LRRC37A2: variants seen among roughly 807,000 people sequenced by gnomAD.
LRRC37A2 encodes the protein leucine rich repeat containing 37 member A2.
In LRRC37A2, 9 loss-of-function variants were observed where a neutral mutation model predicts 68.8. The observed-to-expected ratio is 0.13, with a 90% CI of 0.08 to 0.23. LRRC37A2 has a LOEUF of 0.23. Ranked by LOEUF, LRRC37A2 falls within the 10% of genes least tolerant of loss-of-function variation. The probability of loss-of-function intolerance (pLI) is 1.00; values close to 1 mark genes in which losing one functional copy is unlikely to be tolerated. For synonymous variants in LRRC37A2, 63 were observed against 367.6 expected, an observed-to-expected ratio of 0.17 and a Z score of 9.48; for missense variants, 168 against 950.4, an observed-to-expected ratio of 0.18 and a Z score of 10.82.
chr17:46,796,155 T>G, the LRRC37A2 span, among the ~76,000 whole-genome samples: 1 of 152,180 alleles, frequency 6.6e-6, no homozygotes, highest in Middle Eastern at 3.4e-3. Flanking sequence ...ATTACCACGT[T>G]TCCTTGGGAG....
chr17:46,722,238 T>C, the LRRC37A2 span: 2 of 1,227,934 alleles, frequency 1.6e-6, no homozygotes, highest in South Asian at 2.4e-5. Context: ...CACGTCAAAA[T>C]CCCTACATTC....
chr17:46,707,566 C>G, the LRRC37A2 span, among the ~76,000 whole-genome samples: 1 of 152,116 alleles, frequency 6.6e-6, no homozygotes. Context: ...CACCTGGCAG[C>G]CACCATTCTA....
the LRRC37A2 span, among the ~76,000 whole-genome samples, chr17:46,811,981 A>G: frequency 6.6e-6 from 1 of 151,992 alleles, no homozygotes; most frequent in Non-Finnish European, 1.5e-5. Context: ...GAAAGAAAGA[A>G]ACTCAACTCT....
At chr17:47,017,349 C>T in the LRRC37A2 span, 6 of 1,586,024 alleles carry the variant, frequency 3.8e-6, no homozygotes, top group Non-Finnish European at 5.2e-6. Flanking sequence ...GACCTCTAAC[C>T]CCCTGGGGCC....
intron 8 of LRRC37A2, among the ~76,000 whole-genome samples, chr17:46,545,721 A>AT (rs1329849425): frequency 1.6e-5 from 2 of 126,870 alleles, no homozygotes; most frequent in Non-Finnish European, 3.2e-5. Context: ...ATTCTTCTTT[A>AT]TATTAAATAT....
At chr17:46,881,215 A>C in the LRRC37A2 span, among the ~76,000 whole-genome samples, 2 of 152,248 alleles carry the variant, frequency 1.3e-5, no homozygotes, top group Admixed American at 1.3e-4. Context: ...ACATTGCCTT[A>C]ACTGGGCTCC....
At chr17:46,818,681 G>A in the LRRC37A2 span, 2 of 1,315,432 alleles carry the variant, frequency 1.5e-6, no homozygotes, top group East Asian at 5.0e-5. Context: ...AAGTCCACTT[G>A]AGATTGGAAA....
At chr17:46,856,297 G>A in the LRRC37A2 span, among the ~76,000 whole-genome samples, 17 of 152,258 alleles carry the variant, frequency 1.1e-4, no homozygotes, top group Admixed American at 5.9e-4. Flanking sequence ...GAATGAAAGG[G>A]CTGGATAGGG....
the LRRC37A2 span, among the ~76,000 whole-genome samples, chr17:46,848,520 T>G: frequency 1.3e-5 from 2 of 152,262 alleles, no homozygotes; most frequent in Non-Finnish European, 2.9e-5. Context: ...TCCCAAGGGC[T>G]GCTCTTCATG....
the LRRC37A2 span, among the ~76,000 whole-genome samples, chr17:46,494,102 C>A: frequency 6.6e-6 from 1 of 150,504 alleles, no homozygotes; most frequent in Non-Finnish European, 1.5e-5. Flanking sequence ...ACCTTGGCCT[C>A]CCAAAGTGCT....
the LRRC37A2 span, chr17:46,979,037 C>A: frequency 7.2e-7 from 1 of 1,383,438 alleles, no homozygotes; most frequent in South Asian, 1.7e-5. Context: ...TCTCGGCGCG[C>A]AGTCCCGGGT....
At chr17:47,048,009 C>T in the LRRC37A2 span, among the ~76,000 whole-genome samples, 3 of 147,890 alleles carry the variant, frequency 2.0e-5, no homozygotes, top group Non-Finnish European at 1.5e-5. Flanking sequence ...ATTAATAATG[C>T]TTGGTTACAT....
At chr17:46,738,502 AGG>A in the LRRC37A2 span, among the ~76,000 whole-genome samples, 1 of 152,368 alleles carries the variant, frequency 6.6e-6, no homozygotes, top group South Asian at 2.1e-4. Context: ...TTAATGAATA[AGG>A]ACCATCATAA....
chr17:47,003,075 C>A, the LRRC37A2 span, among the ~76,000 whole-genome samples: 7 of 151,638 alleles, frequency 4.6e-5, no homozygotes, highest in East Asian at 3.9e-4. Flanking sequence ...CCCGACCCCC[C>A]CAACTTCTAC....
chr17:46,819,509 G>A, the LRRC37A2 span, among the ~76,000 whole-genome samples: 1 of 152,194 alleles, frequency 6.6e-6, no homozygotes, highest in African/African-American at 2.4e-5. The surrounding 1 kb of genome is among the most constrained non-coding windows in gnomAD (Gnocchi z 5.3). Context: ...CCGGGTCGGA[G>A]GCGTGACCCA....
chr17:46,855,104 G>A, the LRRC37A2 span, among the ~76,000 whole-genome samples: 2 of 152,174 alleles, frequency 1.3e-5, no homozygotes, highest in African/African-American at 2.4e-5. Context: ...ACAGTGAATC[G>A]GTGGGGGAGG....
the LRRC37A2 span, chr17:46,934,898 T>TTAGGGTCCGCTGATTCTTTC: frequency 1.2e-6 from 1 of 805,854 alleles, no homozygotes; most frequent in Non-Finnish European, 2.2e-6. Context: ...TTCTTATCCA[T>TTAGGGTCCGCTGATTCTTTC]TAGGGTCCGC....
the LRRC37A2 span, chr17:46,818,592 C>A: frequency 6.3e-7 from 1 of 1,599,552 alleles, no homozygotes; most frequent in Non-Finnish European, 8.5e-7. Flanking sequence ...GCAGGTGGGG[C>A]TCCATTAGAA....
At chr17:47,043,467 C>T in the LRRC37A2 span, among the ~76,000 whole-genome samples, 29 of 149,186 alleles carry the variant, frequency 1.9e-4, no homozygotes, top group African/African-American at 6.6e-4. Context: ...CCACTGCACT[C>T]CAGCCCGGGC....
Sources: gnomAD v4.1 joint callset for allele counts (sites outside exome capture counted in the v4.1 genomes callset) on GRCh38, gnomAD v4.1.1 for gene constraint, Gnocchi (gnomAD v3.1) non-coding constraint, MANE v1.5 for transcripts, NCBI Gene and HGNC (gene_info 2026-07-23, HGNC 2026-07-21) for gene names.